Variants in GATAD2A observed in about 807,000 individuals in gnomAD.
GATAD2A encodes transcriptional repressor p66-alpha.
In GATAD2A, 12 loss-of-function variants were observed where a neutral mutation model predicts 68.5. The ratio of observed to expected loss-of-function variants is 0.18; its 90% confidence interval spans 0.11 to 0.28. The LOEUF (loss-of-function observed/expected upper bound fraction) is 0.28. Ranked by LOEUF, GATAD2A falls within the 10% of genes least tolerant of loss-of-function variation. The pLI, the probability that GATAD2A is intolerant of heterozygous loss-of-function variation, is 1.00. For synonymous variants in GATAD2A, 410 were observed against 375.3 expected (o/e 1.09, Z -1.07); for missense variants, 755 against 868.5 (o/e 0.87, Z 1.64).
rs767362888 is a variant in GATAD2A, at chr19:19,506,049, G to A, written c.*575G>A. The stretch of plus-strand genomic sequence containing the variant: ...GCAGACCCTGGGGTCCCTGTTGTAC[G>A]CTGCATCATCCCGCTGGCCCTGTGC... On this transcript the variant is annotated 3_prime_UTR_variant, in exon 12 of 12. Coordinates refer to ENST00000683918, the MANE Select transcript of GATAD2A (RefSeq NM_001384528.1). 33 of 398,694 alleles carry A rather than the reference G, an allele frequency of 8.3e-5. No individual in the cohort carries two copies. Among genetic ancestry groups the A allele is most frequent in the Non-Finnish European group, 1.4e-4 (32 of 226,050 alleles). 24.7% of individuals were successfully genotyped at this position (398,694 alleles called of 1,614,324 possible).
At chr19:19,501,734 G>A (rs180703816) in intron 9 of GATAD2A, among the ~76,000 whole-genome samples, 12 of 152,300 alleles carry the variant, frequency 7.9e-5, no homozygotes, top group Non-Finnish European at 1.5e-4. Flanking sequence ...TTTTGTTCTC[G>A]TGTTGTTTTA....
chr19:19,507,761 TTTTC>T lies in GATAD2A; in HGVS notation c.*2288_*2291del, dbSNP rs1019281138. Reference sequence around the variant, plus strand: ...ACATACTGTGATGTAAACTTTTTTTTTTTCCCCCCAGGGGGCAAAAGTGTGAGAT... The same window carrying T: ...ACATACTGTGATGTAAACTTTTTTTTCCCCCAGGGGGCAAAAGTGTGAGAT... On this transcript the variant is annotated 3_prime_UTR_variant, in exon 12 of 12. Transcript: ENST00000683918. The T allele has an allele frequency of 2.0e-5, 3 of 152,156 alleles. No homozygotes were observed. The highest frequency in any genetic ancestry group is 7.2e-5 in the African/African-American group (3 of 41,398). The allele number at this position is 152,156 out of a possible 1,614,324, so 9.4% of individuals were successfully genotyped here.
rs376894689 is a variant in GATAD2A at position 19,446,250 on chromosome 19, G to T, written c.-6-19090G>T. 7.2e-5 allele frequency among the ~76,000 whole-genome samples: 11 copies of T among 152,148 alleles called. No individual in the cohort carries two copies. In the East Asian group the frequency reaches 2.1e-3, roughly 29 times the overall value. On this transcript the variant is annotated intron_variant, in intron 1 of 11. Transcript: ENST00000683918. Reference sequence around the variant, plus strand: ...GGGTGTGAAGCGGTTTCTCATGGTGGTTTTGATTTGCATTTCCCTCATGAC... The same window carrying T: ...GGGTGTGAAGCGGTTTCTCATGGTGTTTTTGATTTGCATTTCCCTCATGAC...
chr19:19,403,317 C>G (rs538381829), upstream of GATAD2A, among the ~76,000 whole-genome samples: 35 of 152,212 alleles, frequency 2.3e-4, no homozygotes, highest in Non-Finnish European at 3.8e-4. Flanking sequence ...GCCTATGGGA[C>G]CCCAAGCAGA....
At chr19:19,417,786 G>A (rs893962411) in intron 1 of GATAD2A, among the ~76,000 whole-genome samples, 3 of 152,164 alleles carry the variant, frequency 2.0e-5, no homozygotes, top group Non-Finnish European at 4.4e-5. Flanking sequence ...TAAAAAGCAG[G>A]GACAGGTGCC....
chr19:19,426,827 T>G (rs944377952), intron 1 of GATAD2A, among the ~76,000 whole-genome samples: 13 of 152,344 alleles, frequency 8.5e-5, no homozygotes, highest in Middle Eastern at 3.4e-3. Context: ...AGTGCTTTCT[T>G]TATGCGGCTT....
intron 1 of GATAD2A, among the ~76,000 whole-genome samples, chr19:19,395,519 C>T (rs1267955823): frequency 2.0e-5 from 3 of 152,082 alleles, no homozygotes; most frequent in Admixed American, 2.0e-4. Flanking sequence ...TTTGTCAGAG[C>T]TGGAAGCCAC....
chr19:19,413,646 A>G (rs1043337991), intron 1 of GATAD2A, among the ~76,000 whole-genome samples: 1 of 152,200 alleles, frequency 6.6e-6, no homozygotes, highest in East Asian at 1.9e-4. Flanking sequence ...CAGTGGCGCA[A>G]TCTCGGCTCA....
intron 1 of GATAD2A, among the ~76,000 whole-genome samples, chr19:19,431,081 T>TTATGAGCTGGTAATTGTGCACTTAAGGG (rs2053691785): frequency 1.3e-5 from 2 of 151,508 alleles, no homozygotes; most frequent in African/African-American, 4.9e-5. Context: ...GAAGAGTCTC[T>TTATGAGCTGGTAATTGTGCACTTAAGGG]TATGAGCTGG....
chr19:19,415,313 C>G (rs2051471673), intron 1 of GATAD2A, among the ~76,000 whole-genome samples: 1 of 151,528 alleles, frequency 6.6e-6, no homozygotes, highest in Non-Finnish European at 1.5e-5. Flanking sequence ...TCACCATACC[C>G]AGCTAATTTT....
At chr19:19,439,892 G>A (rs2054801665) in intron 1 of GATAD2A, among the ~76,000 whole-genome samples, 1 of 152,036 alleles carries the variant, frequency 6.6e-6, no homozygotes, top group African/African-American at 2.4e-5. Context: ...AAAGACATGT[G>A]TTTACTCTTT....
At chr19:19,470,448 GATATT>G (rs1417041638) in intron 2 of GATAD2A, among the ~76,000 whole-genome samples, 1 of 152,070 alleles carries the variant, frequency 6.6e-6, no homozygotes, top group Non-Finnish European at 1.5e-5. Flanking sequence ...CATTTCATAT[GATATT>G]TCAGGAAGAC....
At chr19:19,423,529 T>C (rs1340225801) in intron 1 of GATAD2A, among the ~76,000 whole-genome samples, 1 of 152,280 alleles carries the variant, frequency 6.6e-6, no homozygotes, top group Non-Finnish European at 1.5e-5. Flanking sequence ...CTGGGCTGAA[T>C]GCCCCCCTGA....
intron 1 of GATAD2A, among the ~76,000 whole-genome samples, chr19:19,451,477 A>G (rs2056386681): frequency 3.3e-5 from 5 of 152,234 alleles, no homozygotes; most frequent in Admixed American, 2.6e-4. Context: ...TCAACAAATC[A>G]GTTATTGTGG....
intron 1 of GATAD2A, chr19:19,465,079 C>T: frequency 1.8e-6 from 1 of 557,498 alleles, no homozygotes; most frequent in South Asian, 2.1e-5. Flanking sequence ...CTCTGGCCCC[C>T]AACAGGGCAG....
rs150432754 is a variant in GATAD2A at position 19,442,383 on chromosome 19, C to T, written c.-6-22957C>T. On this transcript the variant is annotated intron_variant, in intron 1 of 11. Coordinates refer to ENST00000683918, the MANE Select transcript of GATAD2A (RefSeq NM_001384528.1). ...GCTCACACCTGTAATCCCAGCACTTCGGGAGGCTGAGGCAGGTGGATCATT... is the reference window on the plus strand; with the variant it reads ...GCTCACACCTGTAATCCCAGCACTTTGGGAGGCTGAGGCAGGTGGATCATT... Among the ~76,000 whole-genome samples, 801 of 151,778 alleles carry T rather than the reference C, an allele frequency of 5.3e-3. 6 individuals are homozygous for T. Among genetic ancestry groups the T allele is most frequent in the South Asian group, 0.041 (197 of 4,788 alleles).
chr19:19,427,055 A>G (rs1192456860), intron 1 of GATAD2A, among the ~76,000 whole-genome samples: 1 of 151,964 alleles, frequency 6.6e-6, no homozygotes, highest in East Asian at 1.9e-4. Context: ...AGACACACTT[A>G]TGATTGCACC....
chr19:19,475,481 AGCCCCCCCCCCTCCACT>A (rs1217697245), intron 2 of GATAD2A, among the ~76,000 whole-genome samples: 1 of 2,036 alleles, frequency 4.9e-4, no homozygotes, highest in Non-Finnish European at 9.9e-4. Flanking sequence ...GGCTCTCTGG[AGCCCCCCCCCCTCCACT>A]GCCCCAGCCC....
At chr19:19,464,924 C>T (rs2057748612) in intron 1 of GATAD2A, 2 of 278,716 alleles carry the variant, frequency 7.2e-6, no homozygotes, top group Non-Finnish European at 7.0e-6. Context: ...CAGTCACCGC[C>T]CTCCTGGATT....
Sources: gnomAD v4.1 joint callset for allele counts (sites outside exome capture counted in the v4.1 genomes callset) on GRCh38, gnomAD v4.1.1 for gene constraint, MANE v1.5 for transcripts, NCBI Gene and HGNC (gene_info 2026-07-23, HGNC 2026-07-21) for gene names.